Variants in SLCO1B1 observed in about 807,000 individuals in gnomAD.
SLCO1B1 encodes OATP-2.
Under a neutral mutation model 70.1 loss-of-function variants are expected in SLCO1B1, and 81 were observed. That is an observed-to-expected ratio of 1.16 (90% CI 0.97 to 1.39). The LOEUF (loss-of-function observed/expected upper bound fraction) is 1.39. SLCO1B1 is among the 40% of genes most tolerant of loss of function. SLCO1B1 has a pLI of 0.00. For missense variants in SLCO1B1, 895 were observed against 799.6 expected (o/e 1.12, Z -1.44); for synonymous variants, 283 against 271.5 (o/e 1.04, Z -0.42).
At chr12:21,138,911 G>A (rs1940267858) in intron 1 of SLCO1B1, among the ~76,000 whole-genome samples, 1 of 152,162 alleles carries the variant, frequency 6.6e-6, no homozygotes, top group African/African-American at 2.4e-5. Context: ...GGTTTAGGTT[G>A]TGAAGACCAT....
intron 2 of SLCO1B1, among the ~76,000 whole-genome samples, chr12:21,142,872 C>A (rs1365750085): frequency 6.6e-6 from 1 of 152,022 alleles, no homozygotes; most frequent in Non-Finnish European, 1.5e-5. Context: ...TATAGCATAT[C>A]TGGAGAAGCT....
intron 11 of SLCO1B1, among the ~76,000 whole-genome samples, chr12:21,211,634 T>C (rs1941286718): frequency 6.6e-6 from 1 of 152,144 alleles, no homozygotes; most frequent in African/African-American, 2.4e-5. Flanking sequence ...TCAGAAGGAA[T>C]GGTACCAGTT....
Position 21,176,797 on chromosome 12 carries a change from T to C in SLCO1B1, c.381T>C (p.Thr127=), listed in dbSNP as rs771191474. The change falls in exon 5 of 15, where the codon ACT becomes ACC. Residue 127 remains threonine (T), a synonymous_variant. Coordinates refer to ENST00000256958, the MANE Select transcript of SLCO1B1 (RefSeq NM_006446.5). ...FMGYYRYSKE[T]NINSSENSTS... ...ACAGTTACAGGTATTCTAAAGAAACTAATATCAATTCATCAGAAAATTCAA... is the reference window on the plus strand; with the variant it reads ...ACAGTTACAGGTATTCTAAAGAAACCAATATCAATTCATCAGAAAATTCAA... 1.9e-6 allele frequency: 3 copies of C among 1,540,300 alleles called. No individual in the cohort carries two copies. The African/African-American group carries it at 4.1e-5, about 21-fold the overall frequency.
chr12:21,156,504 G>A (rs1940544780), intron 2 of SLCO1B1, among the ~76,000 whole-genome samples: 1 of 152,096 alleles, frequency 6.6e-6, no homozygotes, highest in Non-Finnish European at 1.5e-5. Flanking sequence ...TAAGATGTAA[G>A]AGGAATTAAT....
chr12:21,141,600 A>C lies in SLCO1B1; in HGVS notation c.26A>C (p.Lys9Thr). The change falls in exon 2 of 15, where the codon AAA becomes ACA. Residue 9 changes from lysine (K) to threonine (T), a missense_variant. Physicochemically the swap from Lys to Thr is moderately conservative, Grantham distance 78. Transcript: ENST00000256958. ...ATGGACCAAAATCAACATTTGAATA[A>C]AACAGCAGAGGCACAACCTTCAGAG... The part of the protein sequence containing the change: MDQNQHLN[K>T]TAEAQPSENK... 1 of 1,609,160 alleles carries C rather than the reference A, an allele frequency of 6.2e-7. No individual in the cohort carries two copies. The highest frequency in any genetic ancestry group is 8.5e-7 in the Non-Finnish European group (1 of 1,176,390).
At chr12:21,136,737 T>A (rs927686391) in intron 1 of SLCO1B1, among the ~76,000 whole-genome samples, 1 of 152,146 alleles carries the variant, frequency 6.6e-6, no homozygotes, top group Non-Finnish European at 1.5e-5. Flanking sequence ...TTTGTCTGAT[T>A]TTTTTTCAAA....
intron 7 of SLCO1B1, among the ~76,000 whole-genome samples, chr12:21,185,536 G>A (rs578177891): frequency 6.6e-6 from 1 of 152,054 alleles, no homozygotes; most frequent in East Asian, 1.9e-4. Context: ...AACCGTTTTT[G>A]ACATTAAATA....
intron 2 of SLCO1B1, among the ~76,000 whole-genome samples, chr12:21,158,356 T>C (rs540045535): frequency 1.3e-5 from 2 of 152,178 alleles, no homozygotes; most frequent in Non-Finnish European, 2.9e-5. Context: ...AACAAATCCA[T>C]AGAATAAAAA....
At chr12:21,189,294 C>T (rs1941000050) in intron 7 of SLCO1B1, among the ~76,000 whole-genome samples, 2 of 152,128 alleles carry the variant, frequency 1.3e-5, no homozygotes, top group South Asian at 2.1e-4. Flanking sequence ...GATAGCCATT[C>T]TACAGGTGTA....
intron 11 of SLCO1B1, among the ~76,000 whole-genome samples, chr12:21,212,761 A>C (rs375789996): frequency 6.9e-6 from 1 of 144,800 alleles, no homozygotes; most frequent in Non-Finnish European, 1.5e-5. Flanking sequence ...TATTGGGTGC[A>C]TATATATTTA....
intron 10 of SLCO1B1, among the ~76,000 whole-genome samples, chr12:21,205,507 C>T (rs1344074981): frequency 1.3e-5 from 2 of 151,816 alleles, no homozygotes. Context: ...CATCACCTTA[C>T]TGAAGAGAAA....
chr12:21,157,791 G>A (rs954570636), intron 2 of SLCO1B1, among the ~76,000 whole-genome samples: 1 of 151,800 alleles, frequency 6.6e-6, no homozygotes, highest in East Asian at 1.9e-4. Flanking sequence ...TAGTAGAGAC[G>A]GGGTTTCATC....
At chr12:21,185,612 A>T (rs1480978071) in intron 7 of SLCO1B1, among the ~76,000 whole-genome samples, 2 of 152,074 alleles carry the variant, frequency 1.3e-5, no homozygotes, top group Non-Finnish European at 2.9e-5. Flanking sequence ...GGAAGTTTAC[A>T]ATGCTAAAGG....
At chr12:21,210,021 C>A (rs1320559485) in intron 11 of SLCO1B1, among the ~76,000 whole-genome samples, 1 of 150,234 alleles carries the variant, frequency 6.7e-6, no homozygotes, top group Non-Finnish European at 1.5e-5. Flanking sequence ...CCTGTTCACT[C>A]TGATGGTAGT....
Position 21,176,806 on chromosome 12 carries a change from T to C in SLCO1B1, c.390T>C (p.Asn130=). The C allele has an allele frequency of 1.9e-6, 3 of 1,538,914 alleles. No homozygotes were observed. Among genetic ancestry groups the C allele is most frequent in the Non-Finnish European group, 2.7e-6 (3 of 1,112,478 alleles). ...GGTATTCTAAAGAAACTAATATCAATTCATCAGAAAATTCAACATCGACCT... is the reference window on the plus strand; with the variant it reads ...GGTATTCTAAAGAAACTAATATCAACTCATCAGAAAATTCAACATCGACCT... The part of the protein sequence containing the change: ...YYRYSKETNI[N]SSENSTSTLS... The change falls in exon 5 of 15, where the codon AAT becomes AAC. Residue 130 remains asparagine (N), a synonymous_variant. Transcript: ENST00000256958.
At chr12:21,179,475 G>C (rs951084911) in intron 7 of SLCO1B1, among the ~76,000 whole-genome samples, 1 of 152,116 alleles carries the variant, frequency 6.6e-6, no homozygotes, top group Non-Finnish European at 1.5e-5. Flanking sequence ...CCTGGTCCTA[G>C]CAGAGGGCTT....
At chr12:21,174,907 C>T (rs1053632845) in intron 4 of SLCO1B1, among the ~76,000 whole-genome samples, 198 bp downstream of exon 4, 3 of 149,648 alleles carry the variant, frequency 2.0e-5, no homozygotes, top group African/African-American at 7.3e-5. Flanking sequence ...TTTGAAATAA[C>T]AAAAAGACTA....
At chr12:21,206,538 A>G (rs1363826500) in intron 11 of SLCO1B1, among the ~76,000 whole-genome samples, 1 of 151,908 alleles carries the variant, frequency 6.6e-6, no homozygotes, top group Non-Finnish European at 1.5e-5. Context: ...TCAAGGCTTC[A>G]TGCTCACTTG....
intron 14 of SLCO1B1, among the ~76,000 whole-genome samples, chr12:21,225,142 T>C (rs1941470024): frequency 6.6e-6 from 1 of 152,100 alleles, no homozygotes; most frequent in South Asian, 2.1e-4. Context: ...ATCTTTTTTG[T>C]TTCCAAAACT....
Sources: allele counts gnomAD v4.1 joint callset (sites outside exome capture counted in the v4.1 genomes callset), GRCh38; gene constraint gnomAD v4.1.1; transcripts MANE v1.5; gene names NCBI Gene and HGNC (gene_info 2026-07-23, HGNC 2026-07-21).